PRIMPOL: variants seen among roughly 807,000 people sequenced by gnomAD.
PRIMPOL encodes the protein DNA-directed primase/polymerase protein.
In PRIMPOL, 54 loss-of-function variants were observed where a neutral mutation model predicts 63.6. That is an observed-to-expected ratio of 0.85 (90% CI 0.68 to 1.07). The LOEUF is 1.07. Among genes scored for constraint, PRIMPOL ranks in the 50% least tolerant of loss-of-function variants. The pLI is 0.00. For synonymous variants in PRIMPOL, 197 were observed against 220.2 expected, an observed-to-expected ratio of 0.89 and a Z score of 0.93; for missense variants, 610 against 648.3, an observed-to-expected ratio of 0.94 and a Z score of 0.64.
chr4:184,664,929 G>T (rs774773192), intron 5 of PRIMPOL, among the ~76,000 whole-genome samples: 1 of 152,226 alleles, frequency 6.6e-6, no homozygotes, highest in Non-Finnish European at 1.5e-5. Flanking sequence ...CTCTGAGAAA[G>T]AATTTACAGA....
chr4:184,682,733 T>G (rs1428230730), intron 9 of PRIMPOL, among the ~76,000 whole-genome samples: 1 of 152,250 alleles, frequency 6.6e-6, no homozygotes, highest in East Asian at 1.9e-4. Flanking sequence ...CAGTGTTAAG[T>G]GTTCATAATC....
In PRIMPOL at chr4:184,672,371, G is replaced by C; in HGVS notation, c.755G>C (p.Arg252Thr). 1 of 1,614,152 alleles carries C rather than the reference G, an allele frequency of 6.2e-7. No homozygotes were observed. The change falls in exon 7 of 14, where the codon AGG becomes ACG. Residue 252 changes from arginine (R) to threonine (T), a missense_variant. Coordinates refer to ENST00000314970, the MANE Select transcript of PRIMPOL (RefSeq NM_152683.4). ...ACATCGAATTCAAAGAAACTGGAGA[G>C]GCTGGGGTCAGCTGAGCAAAGCAGT... is the stretch of plus-strand genomic sequence containing the variant. ...SWTSNSKKLE[R>T]LGSAEQSSPD...
At chr4:184,681,653 C>T (rs1164470643) in intron 8 of PRIMPOL, among the ~76,000 whole-genome samples, 1 of 152,128 alleles carries the variant, frequency 6.6e-6, no homozygotes, top group Non-Finnish European at 1.5e-5. Flanking sequence ...CAGCTCACTG[C>T]AACCTCTGCC....
intron 4 of PRIMPOL, among the ~76,000 whole-genome samples, 185 bp from the exon 5 acceptor site, chr4:184,661,589 C>T (rs1247630169): frequency 6.6e-6 from 1 of 151,980 alleles, no homozygotes; most frequent in Non-Finnish European, 1.5e-5. Flanking sequence ...GCCTGTAGTC[C>T]CAGCTACTCG....
intron 11 of PRIMPOL, among the ~76,000 whole-genome samples, chr4:184,687,625 G>GT (rs1012479199): frequency 6.6e-6 from 1 of 151,732 alleles, no homozygotes; most frequent in African/African-American, 2.4e-5. Context: ...CTTTTCTTTT[G>GT]TTTTTTGAGA....
chr4:184,691,802 G>C, intron 13 of PRIMPOL, 90 bp downstream of exon 13: 1 of 913,486 alleles, frequency 1.1e-6, no homozygotes, highest in Non-Finnish European at 1.7e-6. Context: ...AAATAGCATT[G>C]AAACCCATTT....
At chr4:184,692,609 T>G (rs1380172920) in intron 13 of PRIMPOL, among the ~76,000 whole-genome samples, 2 of 150,628 alleles carry the variant, frequency 1.3e-5, no homozygotes, top group African/African-American at 5.0e-5. Context: ...CGAGAATTTA[T>G]GTATGCTCAT....
rs1337697162 is a variant in PRIMPOL, at chr4:184,691,600, C to G, written c.1378+19C>G. The G allele has an allele frequency of 1.2e-6, 2 of 1,600,760 alleles. No homozygotes were observed. The highest frequency in any genetic ancestry group is 2.7e-5 in the African/African-American group (2 of 74,504). On this transcript the variant is annotated intron_variant, in intron 12 of 13. Coordinates refer to ENST00000314970, the MANE Select transcript of PRIMPOL (RefSeq NM_152683.4). ...TCTGACTGTAAGTTACTAATTTTTA[C>G]ATTTACCACAAAGTAAAAATTAGAT...
chr4:184,692,535 G>C (rs1471713673), intron 13 of PRIMPOL, among the ~76,000 whole-genome samples: 1 of 144,846 alleles, frequency 6.9e-6, no homozygotes, highest in Non-Finnish European at 1.5e-5. Context: ...AAGAAGCAAA[G>C]AGGAAAGAAT....
At chr4:184,669,580 A>G (rs1751014721) in intron 6 of PRIMPOL, among the ~76,000 whole-genome samples, 2 of 152,240 alleles carry the variant, frequency 1.3e-5, no homozygotes, top group African/African-American at 4.8e-5. Flanking sequence ...GAAGGAGAGA[A>G]TAGAAATTTG....
At chr4:184,674,782 C>T (rs1752832745) in intron 7 of PRIMPOL, among the ~76,000 whole-genome samples, 1 of 152,164 alleles carries the variant, frequency 6.6e-6, no homozygotes, top group Non-Finnish European at 1.5e-5. Flanking sequence ...AACATATTTA[C>T]AGTACTGTAC....
chr4:184,667,388 G>A (rs999101630), intron 6 of PRIMPOL, among the ~76,000 whole-genome samples: 29 of 151,906 alleles, frequency 1.9e-4, no homozygotes, highest in Admixed American at 2.0e-4. Flanking sequence ...TTGGCTCACT[G>A]CAACCTCCGC....
In PRIMPOL at chr4:184,682,877, C is replaced by T. The variant is rs141189746; in HGVS notation, c.1096+541C>T. Among the ~76,000 whole-genome samples the T allele has an allele frequency of 7.1e-3, 1,056 of 149,250 alleles. 9 individuals are homozygous for T. Among genetic ancestry groups the T allele is most frequent in the Non-Finnish European group, 0.012 (793 of 67,058 alleles). On this transcript the variant is annotated intron_variant, in intron 9 of 13. Coordinates refer to ENST00000314970, the MANE Select transcript of PRIMPOL (RefSeq NM_152683.4). ...CAATCCTGAGCAACTTAGCAAAACC[C>T]TATCTCTACAAAAAATCCAAAAATT...
chr4:184,687,389 G>A (rs927099563), intron 11 of PRIMPOL, among the ~76,000 whole-genome samples: 4 of 151,796 alleles, frequency 2.6e-5, no homozygotes, highest in East Asian at 3.9e-4. Flanking sequence ...ACTTGTATAC[G>A]CACATTTTAA....
At chr4:184,692,119 T>C (rs1758734516) in intron 13 of PRIMPOL, among the ~76,000 whole-genome samples, 1 of 152,190 alleles carries the variant, frequency 6.6e-6, no homozygotes, top group Non-Finnish European at 1.5e-5. Context: ...ACCAACATTT[T>C]TCTCTTAAAG....
At chr4:184,684,858 C>A (rs1756598395) in intron 9 of PRIMPOL, among the ~76,000 whole-genome samples, 1 of 152,010 alleles carries the variant, frequency 6.6e-6, no homozygotes, top group African/African-American at 2.4e-5. Flanking sequence ...TTAAAAAAAA[C>A]AAACAAAAAA....
chr4:184,683,129 G>A (rs1756094146), intron 9 of PRIMPOL, among the ~76,000 whole-genome samples: 1 of 151,946 alleles, frequency 6.6e-6, no homozygotes, highest in Admixed American at 6.6e-5. Flanking sequence ...TGAGAAAGAT[G>A]TTTATTAAGA....
chr4:184,691,366 T>C, intron 11 of PRIMPOL, 133 bp from the exon 12 acceptor site: 1 of 630,780 alleles, frequency 1.6e-6, no homozygotes, highest in South Asian at 2.1e-5. Flanking sequence ...TATGTATCTA[T>C]CCTTATCCTT....
chr4:184,665,723 T>C (rs1280844137), intron 5 of PRIMPOL, among the ~76,000 whole-genome samples, 194 bp from the exon 6 acceptor site: 1 of 152,062 alleles, frequency 6.6e-6, no homozygotes. Context: ...TAGGCTGGTC[T>C]CAAACTTCTG....
Sources: allele counts gnomAD v4.1 joint callset (sites outside exome capture counted in the v4.1 genomes callset), GRCh38; gene constraint gnomAD v4.1.1; transcripts MANE v1.5; gene names NCBI Gene and HGNC (gene_info 2026-07-23, HGNC 2026-07-21).